Variants in MFN2 observed in about 807,000 individuals in gnomAD.
The protein encoded by MFN2 is mitofusin-2.
MFN2 carries 43 observed loss-of-function variants against 87.5 expected under a neutral mutation model. The ratio of observed to expected loss-of-function variants is 0.49; its 90% CI spans 0.38 to 0.63. The LOEUF is 0.63. MFN2 is among the 30% of genes least tolerant of loss of function. The pLI, the probability that MFN2 is intolerant of heterozygous loss-of-function variation, is 0.00. For missense variants in MFN2, 743 were observed against 972.8 expected (o/e 0.76, Z 3.14); for synonymous variants, 337 against 359.9 (o/e 0.94, Z 0.72).
chr1:12,009,169 C>T (rs896394426), intron 17 of MFN2, among the ~76,000 whole-genome samples: 12 of 152,010 alleles, frequency 7.9e-5, no homozygotes, highest in Non-Finnish European at 1.8e-4. Flanking sequence ...AGCTTCGGCT[C>T]GGCATCAGAG....
At chr1:11,992,975 T>TTTTA (rs1638757316) in intron 4 of MFN2, among the ~76,000 whole-genome samples, 1 of 151,122 alleles carries the variant, frequency 6.6e-6, no homozygotes, top group African/African-American at 2.4e-5. Flanking sequence ...GACTTTTTTT[T>TTTTA]TTTTATTTTC....
chr1:12,007,872 G>C (rs1057474705), intron 17 of MFN2, among the ~76,000 whole-genome samples: 1 of 152,026 alleles, frequency 6.6e-6, no homozygotes, highest in African/African-American at 2.4e-5. Context: ...AAGGTCTCTG[G>C]TTTTCCTAGG....
intron 2 of MFN2, among the ~76,000 whole-genome samples, chr1:11,985,047 A>G (rs1006135912): frequency 1.3e-5 from 2 of 152,120 alleles, no homozygotes; most frequent in Non-Finnish European, 2.9e-5. Flanking sequence ...TGCAACTGGT[A>G]TGTTTGAGGG....
chr1:12,003,301 C>T lies in MFN2; in HGVS notation c.1161-691C>T, dbSNP rs896570296. Among the ~76,000 whole-genome samples, 1 of 152,232 alleles carries T rather than the reference C, an allele frequency of 6.6e-6. No individual in the cohort carries two copies. Among genetic ancestry groups the T allele is most frequent in the African/African-American group, 2.4e-5 (1 of 41,474 alleles). On this transcript the variant is annotated intron_variant, in intron 11 of 18. Transcript: ENST00000235329. The surrounding 1 kb of genome is among the most constrained non-coding windows in gnomAD (Gnocchi z 4.1). ...AGTACTGTCCATAGGCCTTCCATTT[C>T]ATCAGCCCTCACCAGAACTTCAGAC...
At chr1:11,996,468 T>A in intron 5 of MFN2, 150 bp downstream of exon 5, 1 of 962,266 alleles carries the variant, frequency 1.0e-6, no homozygotes. Flanking sequence ...TTTTGAAGGA[T>A]GTAAGAGCTT....
Position 12,011,753 on chromosome 1 carries a change from T to C in MFN2, c.*188T>C. 1.6e-6 allele frequency: 1 copy of C among 644,412 alleles called. No homozygotes were observed. Among genetic ancestry groups the C allele is most frequent in the Non-Finnish European group, 2.7e-6 (1 of 364,060 alleles). 39.9% of individuals were successfully genotyped at this position (644,412 alleles called of 1,614,324 possible). A position where few individuals can be genotyped will look rare whatever the true frequency, so the allele number is the denominator to read the frequency against. The stretch of plus-strand genomic sequence containing the variant: ...TTCCCCCACCTTTGCCTGCTGTTGC[T>C]GGAAGAGCTGGCTCATACCCCCAAA... On this transcript the variant is annotated 3_prime_UTR_variant, in exon 19 of 19. Coordinates refer to ENST00000235329, the MANE Select transcript of MFN2 (RefSeq NM_014874.4).
chr1:11,989,384 T>G (rs777945788), intron 3 of MFN2, 41 bp downstream of exon 3: 2 of 1,604,248 alleles, frequency 1.2e-6, no homozygotes, highest in Non-Finnish European at 1.7e-6. Flanking sequence ...TCTTACCTGT[T>G]TAGATATTTA....
rs1382958840 is a variant in MFN2 at position 11,997,291 on chromosome 1, C to T, written c.475-6C>T. 1 of 1,613,980 alleles carries T rather than the reference C, an allele frequency of 6.2e-7. No homozygotes were observed. The highest frequency in any genetic ancestry group is 8.5e-7 in the Non-Finnish European group (1 of 1,180,012). On this transcript the variant is annotated splice_polypyrimidine_tract_variant and splice_region_variant and intron_variant, in intron 5 of 18. Transcript: ENST00000235329. Reference sequence around the variant, plus strand: ...CAGCCTCTTTCTTTCCTTCCTCTGCCATCAGACTGTGAACCAGCTGGCCCA... The same window carrying T: ...CAGCCTCTTTCTTTCCTTCCTCTGCTATCAGACTGTGAACCAGCTGGCCCA...
At chr1:11,990,429 G>A (rs536405583) in intron 3 of MFN2, among the ~76,000 whole-genome samples, 6 of 152,334 alleles carry the variant, frequency 3.9e-5, no homozygotes, top group African/African-American at 9.6e-5. Context: ...TGTGCCAGCC[G>A]TGTGCCAGGT....
At position 12,001,834 on chromosome 1, in the gene MFN2, G is replaced by T; in HGVS notation, c.1036G>T (p.Glu346Ter). Residue 346 changes from glutamate (E) to a stop codon, truncating the protein, a stop_gained and splice_region_variant, in exon 10 of 19, where the codon GAG (glutamate) becomes TAG (stop). Transcript: ENST00000235329. LOFTEE classifies it high-confidence loss of function. ...GTTTCAGAATTTTGAGAGGAGATTT[G>T]AGGTGAGTCCTCTGATTCTGGTATC... is the stretch of plus-strand genomic sequence containing the variant. ...FEFQNFERRF[E>*]ECISQSAVKT... is the part of the protein sequence containing the mutation. 6.2e-7 allele frequency: 1 copy of T among 1,614,160 alleles called. No individual in the cohort carries two copies. Among genetic ancestry groups the T allele is most frequent in the Non-Finnish European group, 8.5e-7 (1 of 1,179,990 alleles).
Position 11,998,754 on chromosome 1 carries a change from C to T in MFN2, c.600-16C>T. The T allele has an allele frequency of 1.2e-6, 2 of 1,611,828 alleles. No homozygotes were observed. Among genetic ancestry groups the T allele is most frequent in the South Asian group, 2.2e-5 (2 of 91,030 alleles). The stretch of plus-strand genomic sequence containing the variant: ...CTGCTCTGCCTGATGATTTGGTTTA[C>T]CCCTGTCACCTTTAGCCCTGGTATT... On this transcript the variant is annotated splice_polypyrimidine_tract_variant and intron_variant, in intron 6 of 18. Transcript: ENST00000235329.
chr1:11,986,086 A>G (rs114817462), intron 2 of MFN2, among the ~76,000 whole-genome samples: 16 of 152,278 alleles, frequency 1.1e-4, no homozygotes, highest in Non-Finnish European at 2.4e-4. Flanking sequence ...ACATTGCACA[A>G]GAACTTGTTG....
chr1:12,011,109 G>C (rs188947771), intron 18 of MFN2, among the ~76,000 whole-genome samples: 1 of 152,314 alleles, frequency 6.6e-6, no homozygotes, highest in Non-Finnish European at 1.5e-5. Context: ...AGGGGGAATG[G>C]GGGGAACTGC....
intron 1 of MFN2, among the ~76,000 whole-genome samples, chr1:11,980,695 C>A (rs1279947718): frequency 6.6e-6 from 1 of 152,210 alleles, no homozygotes; most frequent in Non-Finnish European, 1.5e-5. Flanking sequence ...TCGGTGGGGT[C>A]CCCTGTAGCT....
intron 3 of MFN2, among the ~76,000 whole-genome samples, chr1:11,990,167 C>G (rs1009826373): frequency 6.6e-6 from 1 of 152,166 alleles, no homozygotes; most frequent in African/African-American, 2.4e-5. Flanking sequence ...CACCTTCTTT[C>G]CATTCTGCTT....
chr1:11,980,518 T>TGGCCC (rs1374788109), intron 1 of MFN2, 34 bp downstream of exon 1: 28 of 398,018 alleles, frequency 7.0e-5, no homozygotes, highest in East Asian at 6.1e-4. Flanking sequence ...TGGCGGGGAC[T>TGGCCC]GGCCCGGCCC....
intron 18 of MFN2, 120 bp downstream of exon 18, chr1:12,009,846 C>T: frequency 2.8e-6 from 4 of 1,444,102 alleles, no homozygotes; most frequent in South Asian, 1.2e-5. Context: ...GGGGATTTAG[C>T]TCATTCGTGT....
intron 6 of MFN2, among the ~76,000 whole-genome samples, chr1:11,998,024 C>T (rs1187280911): frequency 6.6e-6 from 1 of 150,474 alleles, no homozygotes; most frequent in Non-Finnish European, 1.5e-5. Flanking sequence ...GCTGGGATTA[C>T]AGGTGCCCGC....
At chr1:12,000,940 G>A (rs929122663) in intron 8 of MFN2, among the ~76,000 whole-genome samples, 4 of 152,214 alleles carry the variant, frequency 2.6e-5, no homozygotes, top group African/African-American at 9.6e-5. Context: ...TGGGAAACTT[G>A]GTGGTGAGAG....
Sources: allele counts gnomAD v4.1 joint callset (sites outside exome capture counted in the v4.1 genomes callset), GRCh38; gene constraint gnomAD v4.1.1; non-coding constraint Gnocchi (gnomAD v3.1); transcripts MANE v1.5; gene names NCBI Gene and HGNC (gene_info 2026-07-23, HGNC 2026-07-21).